The following BEST1 variants were observed in gnomAD, a reference collection of about 807,000 sequenced individuals.
The protein encoded by BEST1 is bestrophin-1.
BEST1 carries 58 observed loss-of-function variants against 63.3 expected under a neutral mutation model. That is an observed-to-expected ratio of 0.92 (90% CI 0.74 to 1.14). The LOEUF (loss-of-function observed/expected upper bound fraction) is 1.14. BEST1 is among the 50% of genes most tolerant of loss of function. The pLI, the probability that BEST1 is intolerant of heterozygous loss-of-function variation, is 0.00. For missense variants in BEST1, 671 were observed against 740.1 expected (o/e 0.91, Z 1.08); for synonymous variants, 283 against 291.6 (o/e 0.97, Z 0.30).
chr11:61,965,157 G>A, downstream of BEST1: 1 of 1,602,278 alleles, frequency 6.2e-7, no homozygotes, highest in Non-Finnish European at 8.5e-7. Context: ...TAACCTAGAA[G>A]TCAGCAAGCC....
chr11:61,959,710 C>A, intron 8 of BEST1, 132 bp downstream of exon 8: 1 of 1,283,200 alleles, frequency 7.8e-7, no homozygotes, highest in South Asian at 1.2e-5. Flanking sequence ...TGCAGCCAGT[C>A]ATTCACTCAC....
intron 8 of BEST1, 61 bp downstream of exon 8, chr11:61,959,639 G>C: frequency 6.4e-7 from 1 of 1,574,306 alleles, no homozygotes; most frequent in South Asian, 1.1e-5. Context: ...CCAAAGAGAG[G>C]ACCCCACTGT....
rs534698104 is a variant in BEST1 at position 61,961,087 on chromosome 11, G to A, written c.1100+1044G>A. On this transcript the variant is annotated intron_variant, in intron 9 of 10. Transcript: ENST00000378043. ...AGCTGGAGTGCAGTGGCATAATCTC[G>A]GCTCACTGCAACCTCCGCCTCCCAG... 2.6e-5 allele frequency: 4 copies of A among 151,734 alleles called. No individual in the cohort carries two copies. The East Asian group carries it at 5.8e-4, about 22-fold the overall frequency. 9.4% of individuals were successfully genotyped at this position (151,734 alleles called of 1,614,324 possible). A position where few individuals can be genotyped will look rare whatever the true frequency, so the allele number is the denominator to read the frequency against.
At chr11:61,953,484 G>A (rs1431748580) in intron 2 of BEST1, among the ~76,000 whole-genome samples, 3 of 152,148 alleles carry the variant, frequency 2.0e-5, no homozygotes, top group Non-Finnish European at 2.9e-5. Context: ...AGGCCGAGGC[G>A]GGTGGATCAT....
At chr11:61,954,618 C>T (rs1941072418) in intron 2 of BEST1, among the ~76,000 whole-genome samples, 1 of 152,124 alleles carries the variant, frequency 6.6e-6, no homozygotes, top group African/African-American at 2.4e-5. Context: ...TGCAGGCATA[C>T]GGCAACGGCA....
At chr11:61,956,633 G>C (rs1281335791) in intron 4 of BEST1, among the ~76,000 whole-genome samples, 3 of 152,196 alleles carry the variant, frequency 2.0e-5, no homozygotes, top group Non-Finnish European at 2.9e-5. Context: ...CTCCAACCTC[G>C]GTGACAGAGC....
At chr11:61,956,639 A>G (rs1197027702) in intron 4 of BEST1, among the ~76,000 whole-genome samples, 2 of 152,176 alleles carry the variant, frequency 1.3e-5, no homozygotes, top group Non-Finnish European at 2.9e-5. Flanking sequence ...CCTCGGTGAC[A>G]GAGCCAGACC....
chr11:61,959,985 A>G lies in BEST1; in HGVS notation c.1042A>G (p.Thr348Ala), dbSNP rs2134456099. Residue 348 changes from threonine (T) to alanine (A), a missense_variant, in exon 9 of 11, where the codon ACA becomes GCA. Coordinates refer to ENST00000378043, the MANE Select transcript of BEST1 (RefSeq NM_004183.4). ...TAAGCCCGAGCCACAGCCCCCCTAC[A>G]CAGCTGCTTCCGCCCAGTTCCGTCG... The part of the protein sequence containing the change: ...WNKPEPQPPY[T>A]AASAQFRRAS... 6.2e-7 allele frequency: 1 copy of G among 1,612,470 alleles called. No homozygotes were observed. The highest frequency in any genetic ancestry group is 1.3e-5 in the African/African-American group (1 of 74,978).
rs938818635 is a variant in BEST1, at chr11:61,951,707, C to T, written c.-36-64C>T. The T allele has an allele frequency of 2.0e-6, 3 of 1,526,270 alleles. No individual in the cohort carries two copies. The South Asian group carries it at 3.4e-5, about 17-fold the overall frequency. 94.5% of individuals were successfully genotyped at this position (1,526,270 alleles called of 1,614,324 possible). On this transcript the variant is annotated intron_variant, in intron 1 of 10. Transcript: ENST00000378043. ...TTGAGGTCCAGAGCAGGGAAGGGTC[C>T]TGACAGGCTCTGACCAGGGCCTCTG...
At chr11:61,954,963 C>A in intron 2 of BEST1, 144 bp from the exon 3 acceptor site, 1 of 1,503,298 alleles carries the variant, frequency 6.7e-7, no homozygotes, top group Non-Finnish European at 8.9e-7. Flanking sequence ...CTGGCTCAGG[C>A]CTCAGGAGGG....
At chr11:61,961,831 C>A (rs73493223) in intron 9 of BEST1, 2,563 of 206,578 alleles carry the variant, frequency 0.012, 64 homozygotes, top group African/African-American at 0.055. Context: ...AGTCAAATTT[C>A]TCTTTGTGGA....
downstream of BEST1, chr11:61,964,686 A>C: frequency 6.3e-7 from 1 of 1,590,840 alleles, no homozygotes; most frequent in South Asian, 1.1e-5. Flanking sequence ...CTTGGTGACC[A>C]GGGAAGTCAC....
At chr11:61,956,141 G>A (rs1374284122) in intron 4 of BEST1, among the ~76,000 whole-genome samples, 190 bp downstream of exon 4, 3 of 152,116 alleles carry the variant, frequency 2.0e-5, no homozygotes, top group Admixed American at 1.3e-4. Flanking sequence ...AAGGTGGGGC[G>A]AGGCCAGGAG....
At chr11:61,952,107 C>A in intron 2 of BEST1, 149 bp downstream of exon 2, 1 of 1,028,460 alleles carries the variant, frequency 9.7e-7, no homozygotes, top group Non-Finnish European at 1.5e-6. Context: ...GGCACTGGAG[C>A]TGAGGCTGGG....
At chr11:61,965,168 C>T, downstream of BEST1, 1 of 1,602,068 alleles carries the variant, frequency 6.2e-7, no homozygotes, top group Non-Finnish European at 8.5e-7. Context: ...TCAGCAAGCC[C>T]ATCATCTCTA....
chr11:61,955,326 T>TCGGC (rs1941186517), intron 3 of BEST1, 125 bp downstream of exon 3: 6 of 1,549,102 alleles, frequency 3.9e-6, no homozygotes, highest in Non-Finnish European at 5.2e-6. Flanking sequence ...CAGCGGCAGG[T>TCGGC]CGGCGCCTCT....
At chr11:61,959,728 T>G in intron 8 of BEST1, 150 bp downstream of exon 8, 1 of 1,308,790 alleles carries the variant, frequency 7.6e-7, no homozygotes, top group South Asian at 1.2e-5. Context: ...CACAGGATTC[T>G]CACCTCAATC....
chr11:61,955,611 C>G (rs1460668159), intron 3 of BEST1, 107 bp from the exon 4 acceptor site: 1 of 1,306,726 alleles, frequency 7.7e-7, no homozygotes, highest in Admixed American at 2.1e-5. Context: ...GGGCTAGGCC[C>G]GCTCGCAGCA....
rs763090309 is a variant in BEST1 at position 61,955,098 on chromosome 11, C to G, written c.153-9C>G. 6.8e-6 allele frequency: 11 copies of G among 1,613,974 alleles called. No homozygotes were observed. Among genetic ancestry groups the G allele is most frequent in the African/African-American group, 5.3e-5 (4 of 75,060 alleles). On this transcript the variant is annotated splice_polypyrimidine_tract_variant and intron_variant, in intron 2 of 10. Transcript: ENST00000378043. ...GTCCACACAATTCCACCCCCACCCC[C>G]ACCCCCAGGCTGGCCCTCACGGAAG...
Sources: gnomAD v4.1 joint callset for allele counts (sites outside exome capture counted in the v4.1 genomes callset) on GRCh38, gnomAD v4.1.1 for gene constraint, MANE v1.5 for transcripts, NCBI Gene and HGNC (gene_info 2026-07-23, HGNC 2026-07-21) for gene names.